PRMT6: variants seen among roughly 807,000 people sequenced by gnomAD.
The protein encoded by PRMT6 is protein arginine N-methyltransferase 6.
Under a neutral mutation model 30.5 loss-of-function variants are expected in PRMT6, and 23 were observed. The ratio of observed to expected loss-of-function variants is 0.75; its 90% CI spans 0.54 to 1.07. PRMT6 has a LOEUF of 1.07. PRMT6 is among the 50% of genes least tolerant of loss of function. The pLI, the probability that PRMT6 is intolerant of heterozygous loss-of-function variation, is 0.00. For missense variants in PRMT6, 528 were observed against 514.3 expected (o/e 1.03, Z -0.26); for synonymous variants, 265 against 228.0 (o/e 1.16, Z -1.46).
rs1276178000 is a variant in PRMT6 at position 107,057,159 on chromosome 1, GGTGGATGCCATC to G, written c.448_459del (p.Asp150_Val153del). 5 of 1,608,908 alleles carry G rather than the reference GGTGGATGCCATC, an allele frequency of 3.1e-6. No homozygotes were observed. The highest frequency in any genetic ancestry group is 3.4e-6 in the Non-Finnish European group (4 of 1,180,026). ...TGGAGACTGTAGAGTTGCCGGAACA[GGTGGATGCCATC>G]GTGAGCGAGTGGATGGGCTACGGAC... On this transcript the variant is annotated inframe_deletion, in exon 1 of 1. Coordinates refer to ENST00000370078, the MANE Select transcript of PRMT6 (RefSeq NM_018137.3).
In PRMT6 at chr1:107,056,988, GGGCA is replaced by G; in HGVS notation, c.274_277del (p.Gly92ProfsTer4). ...GCAAGACGGTACTGGACGTGGGCGCGGGCACCGGCATTCTGAGCATCTTCTGTGC... is the reference window on the plus strand; with the variant it reads ...GCAAGACGGTACTGGACGTGGGCGCGCCGGCATTCTGAGCATCTTCTGTGC... On this transcript the variant is annotated frameshift_variant, in exon 1 of 1. Coordinates refer to ENST00000370078, the MANE Select transcript of PRMT6 (RefSeq NM_018137.3). LOFTEE classifies it high-confidence loss of function. 1 of 1,613,612 alleles carries G rather than the reference GGGCA, an allele frequency of 6.2e-7. No individual in the cohort carries two copies. The highest frequency in any genetic ancestry group is 8.5e-7 in the Non-Finnish European group (1 of 1,179,842).
chr1:107,058,111 G>A lies in PRMT6; in HGVS notation c.*268G>A. On this transcript the variant is annotated 3_prime_UTR_variant, in exon 1 of 1. Coordinates refer to ENST00000370078, the MANE Select transcript of PRMT6 (RefSeq NM_018137.3). ...TAGCCTCAAAAGCATGTAGTACCAAGCACTTGTATTTCCGTATATTTTGTT... is the reference window on the plus strand; with the variant it reads ...TAGCCTCAAAAGCATGTAGTACCAAACACTTGTATTTCCGTATATTTTGTT... 3 of 535,698 alleles carry A rather than the reference G, an allele frequency of 5.6e-6. No individual in the cohort carries two copies. The highest frequency in any genetic ancestry group is 3.6e-5 in the East Asian group (1 of 27,754). 33.2% of individuals were successfully genotyped at this position (535,698 alleles called of 1,614,324 possible).
Position 107,058,265 on chromosome 1 carries a change from A to T in PRMT6, c.*422A>T. Reference sequence around the variant, plus strand: ...AGAAAGGGGTTCATTTAGACTTCATACATTTCCAGTACGACTTTAGTATCT... The same window carrying T: ...AGAAAGGGGTTCATTTAGACTTCATTCATTTCCAGTACGACTTTAGTATCT... On this transcript the variant is annotated 3_prime_UTR_variant, in exon 1 of 1. Coordinates refer to ENST00000370078, the MANE Select transcript of PRMT6 (RefSeq NM_018137.3). 1 of 265,278 alleles carries T rather than the reference A, an allele frequency of 3.8e-6. No individual in the cohort carries two copies. Among genetic ancestry groups the T allele is most frequent in the Non-Finnish European group, 7.8e-6 (1 of 127,624 alleles). The allele number at this position is 265,278 out of a possible 1,614,324, so 16.4% of individuals were successfully genotyped here.
chr1:107,057,305 G>A lies in PRMT6; in HGVS notation c.590G>A (p.Ser197Asn). 1 of 1,614,016 alleles carries A rather than the reference G, an allele frequency of 6.2e-7. No individual in the cohort carries two copies. The highest frequency in any genetic ancestry group is 8.5e-7 in the Non-Finnish European group (1 of 1,180,050). The stretch of plus-strand genomic sequence containing the variant: ...GCCGAGCTCTTCATAGCCCCCATCA[G>A]CGACCAGATGCTGGAATGGCGCCTG... Reference protein sequence around the residue: ...ASAELFIAPISDQMLEWRLGF... With the variant: ...ASAELFIAPINDQMLEWRLGF... The change falls in exon 1 of 1, where the codon AGC (serine) becomes AAC (asparagine). Residue 197 changes from serine (S) to asparagine (N), a missense_variant. Ser to Asn is a conservative substitution (Grantham distance 46). Coordinates refer to ENST00000370078, the MANE Select transcript of PRMT6 (RefSeq NM_018137.3).
At position 107,058,084 on chromosome 1, in the gene PRMT6, T is replaced by G; in HGVS notation, c.*241T>G. 1.7e-6 allele frequency: 1 copy of G among 595,950 alleles called. No individual in the cohort carries two copies. The highest frequency in any genetic ancestry group is 3.0e-6 in the Non-Finnish European group (1 of 330,348). 36.9% of individuals were successfully genotyped at this position (595,950 alleles called of 1,614,324 possible). On this transcript the variant is annotated 3_prime_UTR_variant, in exon 1 of 1. Transcript: ENST00000370078. ...GATACAGCGTGCTTATTATTGGGCA[T>G]TTAGCCTCAAAAGCATGTAGTACCA...
In PRMT6 at chr1:107,056,903, A is replaced by G. The variant is rs931001110; in HGVS notation, c.188A>G (p.Asp63Gly). ...TCGGTCCACGAGGAGATGATCGCGG[A>G]CCGCGTCCGCACCGATGCCTACCGC... ...DVSVHEEMIA[D>G]RVRTDAYRLG... is the part of the protein sequence containing the mutation. The change falls in exon 1 of 1, where the codon GAC (aspartate) becomes GGC (glycine). Residue 63 changes from aspartate (D) to glycine (G), a missense_variant. Coordinates refer to ENST00000370078, the MANE Select transcript of PRMT6 (RefSeq NM_018137.3). 2.5e-6 allele frequency: 4 copies of G among 1,612,772 alleles called. No individual in the cohort carries two copies. The African/African-American group carries it at 5.3e-5, about 22-fold the overall frequency.
rs768065607 is a variant in PRMT6, at chr1:107,057,561, G to T, written c.846G>T (p.Ser282=). The T allele has an allele frequency of 9.3e-6, 15 of 1,612,946 alleles. No individual in the cohort carries two copies. The Admixed American group carries it at 2.5e-4, about 27-fold the overall frequency. The part of the protein sequence containing the change: ...GGRFRCSCYG[S]APMHGFAIWF... ...GCTTCCGCTGCAGCTGCTATGGCTC[G>T]GCGCCCATGCATGGCTTTGCCATCT... The change falls in exon 1 of 1, where the codon TCG becomes TCT. Residue 282 remains serine, a synonymous_variant. Coordinates refer to ENST00000370078, the MANE Select transcript of PRMT6 (RefSeq NM_018137.3).
In PRMT6 at chr1:107,057,467, A is replaced by C; in HGVS notation, c.752A>C (p.Gln251Pro). ...LSGEDVLARP[Q>P]RFAQLELSRA... ...GGCGAGGACGTGCTGGCCCGGCCGC[A>C]GCGCTTTGCTCAGCTAGAGCTCTCC... is the stretch of plus-strand genomic sequence containing the variant. Residue 251 changes from glutamine to proline, a missense_variant, in exon 1 of 1, where the codon CAG (glutamine) becomes CCG (proline). Transcript: ENST00000370078. The C allele has an allele frequency of 6.2e-7, 1 of 1,612,712 alleles. No individual in the cohort carries two copies. The highest frequency in any genetic ancestry group is 1.1e-5 in the South Asian group (1 of 90,984).
At position 107,056,747 on chromosome 1, in the gene PRMT6, C is replaced by A. The variant is rs1036750366; in HGVS notation, c.32C>A (p.Ser11Ter). MSQPKKRKLE[S>*]GGGGEGGEGT... The stretch of plus-strand genomic sequence containing the variant: ...CAGCCCAAGAAAAGAAAGCTTGAGT[C>A]GGGGGGCGGCGGCGAAGGAGGGGAG... Residue 11 changes from serine (S) to a stop codon, truncating the protein, a stop_gained, in exon 1 of 1, where the codon TCG (serine) becomes TAG (stop). Coordinates refer to ENST00000370078, the MANE Select transcript of PRMT6 (RefSeq NM_018137.3). LOFTEE classifies it high-confidence loss of function. 1.3e-6 allele frequency: 2 copies of A among 1,537,792 alleles called. No homozygotes were observed. Among genetic ancestry groups the A allele is most frequent in the African/African-American group, 2.8e-5 (2 of 72,572 alleles).
Position 107,056,873 on chromosome 1 carries a change from A to G in PRMT6, c.158A>G (p.Asp53Gly). 6.2e-7 allele frequency: 1 copy of G among 1,613,726 alleles called. No homozygotes were observed. Among genetic ancestry groups the G allele is most frequent in the South Asian group, 1.1e-5 (1 of 91,024 alleles). The change falls in exon 1 of 1, where the codon GAC (aspartate) becomes GGC (glycine). Residue 53 changes from aspartate to glycine, a missense_variant. Physicochemically the swap from Asp to Gly is moderately conservative, Grantham distance 94 (BLOSUM62 -1). Transcript: ENST00000370078. Reference sequence around the variant, plus strand: ...CAGCTGTACTACGAGTGCTACTCGGACGTTTCGGTCCACGAGGAGATGATC... The same window carrying G: ...CAGCTGTACTACGAGTGCTACTCGGGCGTTTCGGTCCACGAGGAGATGATC... ...RDQLYYECYSDVSVHEEMIAD... is the reference protein window; with the variant it reads ...RDQLYYECYSGVSVHEEMIAD...
rs757093674 is a variant in PRMT6 at position 107,057,678 on chromosome 1, G to T, written c.963G>T (p.Ala321=). The T allele has an allele frequency of 2.5e-6, 4 of 1,614,216 alleles. No individual in the cohort carries two copies. The highest frequency in any genetic ancestry group is 2.5e-6 in the Non-Finnish European group (3 of 1,180,048). The change falls in exon 1 of 1, where the codon GCG becomes GCT. Residue 321 remains alanine (A), a synonymous_variant. Transcript: ENST00000370078. ...ACCCGGCCACTCACTGGAAACAGGC[G>T]CTCCTCTACCTGAACGAGCCGGTGC... The part of the protein sequence containing the change: ...PFHPATHWKQ[A]LLYLNEPVQV...
At position 107,056,860 on chromosome 1, in the gene PRMT6, G is replaced by A. The variant is rs200593941; in HGVS notation, c.145G>A (p.Glu49Lys). Residue 49 changes from glutamate to lysine, a missense_variant, in exon 1 of 1, where the codon GAG becomes AAG. By Grantham distance (56) the Glu-to-Lys change is moderately conservative (BLOSUM62 1). Transcript: ENST00000370078. ...TKRERDQLYYECYSDVSVHEE... is the reference protein window; with the variant it reads ...TKRERDQLYYKCYSDVSVHEE... ...GCGGGAACGGGACCAGCTGTACTACGAGTGCTACTCGGACGTTTCGGTCCA... is the reference window on the plus strand; with the variant it reads ...GCGGGAACGGGACCAGCTGTACTACAAGTGCTACTCGGACGTTTCGGTCCA... 7.6e-4 allele frequency: 1,224 copies of A among 1,613,460 alleles called. 3 individuals are homozygous for A. Among genetic ancestry groups the A allele is most frequent in the Non-Finnish European group, 6.8e-4 (807 of 1,179,740 alleles).
chr1:107,057,113 T>C lies in PRMT6; in HGVS notation c.398T>C (p.Val133Ala). The C allele has an allele frequency of 6.2e-7, 1 of 1,607,194 alleles. No individual in the cohort carries two copies. The highest frequency in any genetic ancestry group is 1.1e-5 in the South Asian group (1 of 91,044). The stretch of plus-strand genomic sequence containing the variant: ...CGGTTCAACGGGCTGGAGGACCGGG[T>C]GCACGTCCTGCCGGGACCAGTGGAG... ...VVRFNGLEDR[V>A]HVLPGPVETV... Residue 133 changes from valine to alanine, a missense_variant, in exon 1 of 1, where the codon GTG (valine) becomes GCG (alanine). Transcript: ENST00000370078.
Position 107,058,728 on chromosome 1 carries a change from T to C in PRMT6, c.*885T>C, listed in dbSNP as rs1651786690. 1.2e-5 allele frequency: 2 copies of C among 167,120 alleles called. No individual in the cohort carries two copies. The highest frequency in any genetic ancestry group is 2.9e-5 in the Non-Finnish European group (2 of 68,114). 10.4% of individuals were successfully genotyped at this position (167,120 alleles called of 1,614,324 possible). The stretch of plus-strand genomic sequence containing the variant: ...CCAAGGGCTTATTCATCACCATGGG[T>C]AAATTATTTAAACTCACTTAATTAA... On this transcript the variant is annotated 3_prime_UTR_variant, in exon 1 of 1. Transcript: ENST00000370078.
Position 107,057,800 on chromosome 1 carries a change from G to A in PRMT6, c.1085G>A (p.Gly362Glu). ...RLRVLLRYKV[G>E]DQEEKTKDFA... is the part of the protein sequence containing the mutation. ...CGCGTGCTGCTGCGCTACAAAGTGG[G>A]AGACCAGGAGGAGAAGACCAAAGAC... The change falls in exon 1 of 1, where the codon GGA becomes GAA. Residue 362 changes from glycine to glutamate, a missense_variant. Physicochemically the swap from Gly to Glu is moderately conservative, Grantham distance 98. Transcript: ENST00000370078. 2 of 1,605,372 alleles carry A rather than the reference G, an allele frequency of 1.2e-6. No individual in the cohort carries two copies. Among genetic ancestry groups the A allele is most frequent in the South Asian group, 1.1e-5 (1 of 90,040 alleles).
rs952219929 is a variant in PRMT6 at position 107,059,070 on chromosome 1, T to C, written c.*1227T>C. 1.2e-5 allele frequency: 2 copies of C among 167,086 alleles called. No individual in the cohort carries two copies. Among genetic ancestry groups the C allele is most frequent in the Non-Finnish European group, 2.9e-5 (2 of 68,116 alleles). The allele number at this position is 167,086 out of a possible 1,614,324, so 10.4% of individuals were successfully genotyped here. ...AAGTCTTGTGTGCTGTGAGTTATAA[T>C]GCTTTTGCCTTTTTAATATTATTAG... On this transcript the variant is annotated 3_prime_UTR_variant, in exon 1 of 1. Coordinates refer to ENST00000370078, the MANE Select transcript of PRMT6 (RefSeq NM_018137.3).
In PRMT6 at chr1:107,057,672, A is replaced by G. The variant is rs1485932482; in HGVS notation, c.957A>G (p.Lys319=). Residue 319 remains lysine, a synonymous_variant, in exon 1 of 1, where the codon AAA becomes AAG. Transcript: ENST00000370078. Reference sequence around the variant, plus strand: ...CTTTTCACCCGGCCACTCACTGGAAACAGGCGCTCCTCTACCTGAACGAGC... The same window carrying G: ...CTTTTCACCCGGCCACTCACTGGAAGCAGGCGCTCCTCTACCTGAACGAGC... ...TSPFHPATHW[K]QALLYLNEPV... The G allele has an allele frequency of 6.2e-7, 1 of 1,614,234 alleles. No homozygotes were observed. The highest frequency in any genetic ancestry group is 2.2e-5 in the East Asian group (1 of 44,878).
rs1490720438 is a variant in PRMT6 at position 107,057,037 on chromosome 1, G to A, written c.322G>A (p.Val108Met). 6.2e-7 allele frequency: 1 copy of A among 1,613,004 alleles called. No homozygotes were observed. Among genetic ancestry groups the A allele is most frequent in the East Asian group, 2.2e-5 (1 of 44,872 alleles). The change falls in exon 1 of 1, where the codon GTG becomes ATG. Residue 108 changes from valine (V) to methionine (M), a missense_variant. Coordinates refer to ENST00000370078, the MANE Select transcript of PRMT6 (RefSeq NM_018137.3). ...IFCAQAGARR[V>M]YAVEASAIWQ... ...CTGTGCCCAGGCCGGGGCCCGGCGC[G>A]TGTACGCGGTAGAGGCCAGCGCCAT...
rs376689218 is a variant in PRMT6, at chr1:107,057,282, C to G, written c.567C>G (p.Ala189=). 6 of 1,613,928 alleles carry G rather than the reference C, an allele frequency of 3.7e-6. No individual in the cohort carries two copies. The African/African-American group carries it at 6.7e-5, about 18-fold the overall frequency. The stretch of plus-strand genomic sequence containing the variant: ...GCGGTCTTCTCCTGCCGGCCTCCGC[C>G]GAGCTCTTCATAGCCCCCATCAGCG... ...KEGGLLLPAS[A]ELFIAPISDQ... Residue 189 remains alanine, a synonymous_variant, in exon 1 of 1, where the codon GCC becomes GCG. Coordinates refer to ENST00000370078, the MANE Select transcript of PRMT6 (RefSeq NM_018137.3).
Sources: gnomAD v4.1 joint callset for allele counts on GRCh38, gnomAD v4.1.1 for gene constraint, MANE v1.5 for transcripts, NCBI Gene and HGNC (gene_info 2026-07-23, HGNC 2026-07-21) for gene names.